BNC2: variants seen among roughly 807,000 people sequenced by gnomAD.
BNC2 encodes the protein basonuclin zinc finger protein 2, also known as zinc finger protein basonuclin-2.
In BNC2, 20 loss-of-function variants were observed where a neutral mutation model predicts 76.3. The ratio of observed to expected loss-of-function variants is 0.26; its 90% CI spans 0.18 to 0.38. The LOEUF is 0.38. Ranked by LOEUF, BNC2 falls within the 10% of genes least tolerant of loss-of-function variation. BNC2 has a pLI of 1.00. For missense variants in BNC2, 1,382 were observed against 1,399.8 expected (o/e 0.99, Z 0.20); for synonymous variants, 582 against 514.8 (o/e 1.13, Z -1.77).
At chr9:16,500,052 G>C (rs567916735) in intron 5 of BNC2, among the ~76,000 whole-genome samples, 7 of 152,036 alleles carry the variant, frequency 4.6e-5, no homozygotes, top group East Asian at 1.9e-4. Flanking sequence ...TCTTAGCCTA[G>C]TGGCCTGCTA....
intron 5 of BNC2, among the ~76,000 whole-genome samples, chr9:16,471,242 C>T (rs1821817425): frequency 6.6e-6 from 1 of 152,092 alleles, no homozygotes; most frequent in African/African-American, 2.4e-5. Context: ...GCTGTATTTA[C>T]CCAATACCTA....
intron 5 of BNC2, among the ~76,000 whole-genome samples, chr9:16,445,205 T>C (rs1821206690): frequency 6.6e-6 from 1 of 152,250 alleles, no homozygotes. Flanking sequence ...CTTGGCATGT[T>C]TATTTGTTTT....
chr9:16,435,169 G>A (rs1373627205), intron 6 of BNC2: 4 of 416,744 alleles, frequency 9.6e-6, no homozygotes, highest in African/African-American at 2.1e-5. Flanking sequence ...TGGCAAAGCA[G>A]AAATATAAAT....
At chr9:16,750,246 T>A (rs1476622328) in intron 1 of BNC2, among the ~76,000 whole-genome samples, 1 of 152,242 alleles carries the variant, frequency 6.6e-6, no homozygotes, top group African/African-American at 2.4e-5. Flanking sequence ...GAAATATAAT[T>A]TGATACTTAT....
At chr9:16,808,561 T>G (rs1355222404) in intron 1 of BNC2, among the ~76,000 whole-genome samples, 1 of 137,194 alleles carries the variant, frequency 7.3e-6, no homozygotes, top group Non-Finnish European at 1.5e-5. Context: ...TGACCACGGC[T>G]CACTGGAGCC....
At chr9:16,850,435 G>C (rs1294397498) in intron 1 of BNC2, among the ~76,000 whole-genome samples, 1 of 152,304 alleles carries the variant, frequency 6.6e-6, no homozygotes, top group South Asian at 2.1e-4. Flanking sequence ...AAGAATCAAT[G>C]TCAAAATTGT....
chr9:16,511,128 A>G (rs1822744610), intron 5 of BNC2, among the ~76,000 whole-genome samples: 1 of 127,658 alleles, frequency 7.8e-6, no homozygotes, highest in Admixed American at 8.0e-5. Context: ...TTTTTTTTTA[A>G]GAAACAGGTC....
At chr9:16,847,126 C>T (rs779938873) in intron 1 of BNC2, among the ~76,000 whole-genome samples, 1 of 152,028 alleles carries the variant, frequency 6.6e-6, no homozygotes, top group Non-Finnish European at 1.5e-5. Flanking sequence ...ATGTATGCTG[C>T]GGTAGGTCTA....
At chr9:16,851,592 A>C (rs1819128329) in intron 1 of BNC2, among the ~76,000 whole-genome samples, 1 of 152,232 alleles carries the variant, frequency 6.6e-6, no homozygotes, top group East Asian at 1.9e-4. Context: ...TGTCTTGAAA[A>C]TCACATGTAA....
intron 1 of BNC2, among the ~76,000 whole-genome samples, chr9:16,787,246 C>T (rs995681911): frequency 5.3e-5 from 8 of 152,192 alleles, no homozygotes; most frequent in African/African-American, 1.9e-4. Context: ...TCCCTCCATC[C>T]ACCATCACCT....
intron 3 of BNC2, among the ~76,000 whole-genome samples, chr9:16,669,399 C>T (rs967803683): frequency 1.3e-5 from 2 of 152,190 alleles, no homozygotes; most frequent in African/African-American, 2.4e-5. Flanking sequence ...CTATCCAACT[C>T]CCTCAGATCA....
At chr9:16,699,104 G>C (rs114128098) in intron 3 of BNC2, 10 of 439,402 alleles carry the variant, frequency 2.3e-5, no homozygotes, top group African/African-American at 8.3e-5. Context: ...TGATTTTGTT[G>C]TTGCTGTTCT....
At chr9:16,515,819 T>C (rs1263575799) in intron 5 of BNC2, among the ~76,000 whole-genome samples, 1 of 149,648 alleles carries the variant, frequency 6.7e-6, no homozygotes, top group African/African-American at 2.5e-5. Flanking sequence ...AAAAAAAAGA[T>C]ATATATATAT....
At chr9:16,597,176 A>C (rs538701768) in intron 3 of BNC2, among the ~76,000 whole-genome samples, 1 of 152,292 alleles carries the variant, frequency 6.6e-6, no homozygotes, top group African/African-American at 2.4e-5. Flanking sequence ...TCTGAACTAG[A>C]CAGATAAAAC....
intron 5 of BNC2, among the ~76,000 whole-genome samples, chr9:16,536,044 C>T (rs1818121085): frequency 6.6e-6 from 1 of 152,064 alleles, no homozygotes; most frequent in Admixed American, 6.6e-5. Flanking sequence ...GGTCAACATG[C>T]CAGCTCACTG....
chr9:16,557,755 G>A (rs1057471913), intron 4 of BNC2, among the ~76,000 whole-genome samples: 2 of 151,562 alleles, frequency 1.3e-5, no homozygotes, highest in Non-Finnish European at 2.9e-5. Context: ...CCTGACTTGT[G>A]TCCACTCCCC....
chr9:16,447,799 G>A (rs987514454), intron 5 of BNC2, among the ~76,000 whole-genome samples: 1 of 151,998 alleles, frequency 6.6e-6, no homozygotes, highest in Admixed American at 6.6e-5. Flanking sequence ...CAAAATAAAT[G>A]TTATATATCA....
chr9:16,845,203 T>A (rs897039904), intron 1 of BNC2, among the ~76,000 whole-genome samples: 1 of 152,216 alleles, frequency 6.6e-6, no homozygotes, highest in African/African-American at 2.4e-5. Context: ...ATTTCTATCA[T>A]GTTATTCTTA....
chr9:16,621,872 T>A (rs527980757), intron 3 of BNC2, among the ~76,000 whole-genome samples: 102 of 152,312 alleles, frequency 6.7e-4, no homozygotes, highest in African/African-American at 2.3e-3. Flanking sequence ...TTATTATACA[T>A]GGAAATCATA....
Sources: gnomAD v4.1 joint callset for allele counts (sites outside exome capture counted in the v4.1 genomes callset) on GRCh38, gnomAD v4.1.1 for gene constraint, MANE v1.5 for transcripts, NCBI Gene and HGNC (gene_info 2026-07-23, HGNC 2026-07-21) for gene names.